TOX: variants seen among roughly 807,000 people sequenced by gnomAD.
The protein encoded by TOX is thymocyte selection associated high mobility group box, also known as thymocyte selection-associated high mobility group box protein TOX.
Under a neutral mutation model 53.7 loss-of-function variants are expected in TOX, and 11 were observed. The ratio of observed to expected loss-of-function variants is 0.20; its 90% CI spans 0.13 to 0.34. The LOEUF is 0.34. Among genes scored for constraint, TOX ranks in the 10% least tolerant of loss-of-function variants. The pLI is 1.00. For missense variants in TOX, 570 were observed against 664.6 expected (o/e 0.86, Z 1.56); for synonymous variants, 225 against 245.3 (o/e 0.92, Z 0.77).
chr8:59,038,988 G>C (rs937677459), intron 1 of TOX, among the ~76,000 whole-genome samples: 1 of 152,192 alleles, frequency 6.6e-6, no homozygotes, highest in Admixed American at 6.5e-5. Context: ...ACCAGCTTTG[G>C]CCTCAGGCAA....
At chr8:58,857,633 A>T (rs568960741) in intron 3 of TOX, among the ~76,000 whole-genome samples, 3 of 152,320 alleles carry the variant, frequency 2.0e-5, no homozygotes, top group East Asian at 3.9e-4. Flanking sequence ...TGCTAAGGCC[A>T]TGTTCCTTTC....
intron 3 of TOX, among the ~76,000 whole-genome samples, chr8:58,894,806 G>A (rs1325863558): frequency 2.0e-5 from 3 of 152,190 alleles, no homozygotes; most frequent in Non-Finnish European, 4.4e-5. Flanking sequence ...TGAGGCAGAA[G>A]AATCGCTTGA....
At chr8:58,950,806 G>T (rs1021318650) in intron 2 of TOX, among the ~76,000 whole-genome samples, 3 of 152,126 alleles carry the variant, frequency 2.0e-5, no homozygotes, top group Non-Finnish European at 4.4e-5. Flanking sequence ...AAAAGTAGTG[G>T]AGTGTGGAGG....
rs148022723 is a variant in TOX, at chr8:59,103,764, A to G, written c.102+15122T>C. On this transcript the variant is annotated intron_variant, in intron 1 of 8. Coordinates refer to ENST00000361421, the MANE Select transcript of TOX (RefSeq NM_014729.3). ...TTTGGACACTTTAATATACTCTCCA[A>G]ATTTACTAATAATATGTGTATTTAC... 1.4e-4 allele frequency among the ~76,000 whole-genome samples: 22 copies of G among 152,322 alleles called. No homozygotes were observed. The East Asian group carries it at 4.0e-3, about 28-fold the overall frequency.
chr8:59,118,216 A>G lies in TOX; in HGVS notation c.102+670T>C, dbSNP rs996304295. Among the ~76,000 whole-genome samples the G allele has an allele frequency of 5.3e-5, 8 of 152,116 alleles. No homozygotes were observed. Among genetic ancestry groups the G allele is most frequent in the African/African-American group, 1.9e-4 (8 of 41,440 alleles). ...CGACGTGCTCGCCCGGCTCCCAACA[A>G]ACTTGCAATTTCCGCGCGCACCCCT... On this transcript the variant is annotated intron_variant, in intron 1 of 8. Coordinates refer to ENST00000361421, the MANE Select transcript of TOX (RefSeq NM_014729.3). This position sits in a 1 kb window ranked among gnomAD's most constrained non-coding sequence, Gnocchi z 4.1.
chr8:59,105,125 G>A (rs310370), intron 1 of TOX, among the ~76,000 whole-genome samples: 99,489 of 151,946 alleles, frequency 0.65, 33,315 homozygotes, highest in African/African-American at 0.81. Flanking sequence ...TTTTTTTTAA[G>A]AAGTTGACTT....
At chr8:58,823,960 G>A (rs1272749081) in intron 6 of TOX, among the ~76,000 whole-genome samples, 1 of 152,234 alleles carries the variant, frequency 6.6e-6, no homozygotes, top group African/African-American at 2.4e-5. Context: ...GTAAGTCAAA[G>A]TAGCTAGGAA....
At chr8:59,113,304 A>G (rs1167823685) in intron 1 of TOX, among the ~76,000 whole-genome samples, 1 of 152,188 alleles carries the variant, frequency 6.6e-6, no homozygotes, top group Non-Finnish European at 1.5e-5. Context: ...GGGGTGTGGA[A>G]GGGACACTAT....
In TOX at chr8:58,838,699, CT is replaced by C. The variant is rs35347981; in HGVS notation, c.694-389del. 3.4e-3 allele frequency among the ~76,000 whole-genome samples: 306 copies of C among 88,872 alleles called. 4 individuals are homozygous for C. The highest frequency in any genetic ancestry group is 0.013 in the African/African-American group (224 of 16,722). The allele number at this position is 88,872 out of a possible 152,430, so 58.3% of individuals were successfully genotyped here. A position where few individuals can be genotyped will look rare whatever the true frequency, so the allele number is the denominator to read the frequency against. On this transcript the variant is annotated intron_variant, in intron 4 of 8. Coordinates refer to ENST00000361421, the MANE Select transcript of TOX (RefSeq NM_014729.3). Reference sequence around the variant, plus strand: ...TTTCTTCTAAGGAAGTTATCCTTGTCTTTTTTTTTTTTTTTTTTTTTGAGAT... The same window carrying C: ...TTTCTTCTAAGGAAGTTATCCTTGTCTTTTTTTTTTTTTTTTTTTTGAGAT...
chr8:58,903,921 G>A (rs895488796), intron 3 of TOX, among the ~76,000 whole-genome samples: 1 of 152,116 alleles, frequency 6.6e-6, no homozygotes, highest in Non-Finnish European at 1.5e-5. Flanking sequence ...GTGCTATTGT[G>A]TGCCATATAT....
At chr8:58,920,737 GA>G (rs1397497086) in intron 3 of TOX, among the ~76,000 whole-genome samples, 11 of 47,754 alleles carry the variant, frequency 2.3e-4, no homozygotes, top group South Asian at 8.7e-4. Flanking sequence ...AAAAAAAAAA[GA>G]AAAAAAAGAA....
At chr8:59,005,016 T>A (rs886557367) in intron 1 of TOX, among the ~76,000 whole-genome samples, 3 of 149,294 alleles carry the variant, frequency 2.0e-5, no homozygotes, top group African/African-American at 7.4e-5. Context: ...ATTTATTTTA[T>A]GTAATTTAAA....
intron 3 of TOX, among the ~76,000 whole-genome samples, chr8:58,920,832 T>C (rs866765872): frequency 1.9e-4 from 29 of 149,284 alleles, no homozygotes; most frequent in Admixed American, 6.0e-4. Context: ...GCACCTATCA[T>C]AGTTCTGGGA....
At chr8:58,837,251 T>G (rs1022355863) in intron 5 of TOX, among the ~76,000 whole-genome samples, 1 of 152,218 alleles carries the variant, frequency 6.6e-6, no homozygotes, top group Admixed American at 6.5e-5. Context: ...TGGCTAAAAC[T>G]GCACCTACAC....
At chr8:59,015,458 G>A (rs1216948627) in intron 1 of TOX, among the ~76,000 whole-genome samples, 1 of 152,158 alleles carries the variant, frequency 6.6e-6, no homozygotes, top group African/African-American at 2.4e-5. Context: ...TCATTCTTTT[G>A]TTATGCCCTT....
intron 1 of TOX, among the ~76,000 whole-genome samples, chr8:59,048,165 G>C (rs554611293): frequency 9.9e-5 from 15 of 152,136 alleles, no homozygotes; most frequent in African/African-American, 3.1e-4. Flanking sequence ...GCTACTCAGC[G>C]CCTCAGAATA....
intron 2 of TOX, among the ~76,000 whole-genome samples, chr8:58,943,313 A>T (rs1812472655): frequency 6.6e-6 from 1 of 152,166 alleles, no homozygotes; most frequent in Non-Finnish European, 1.5e-5. Flanking sequence ...ATGCCTGGCC[A>T]GAAGAGAAGC....
chr8:58,886,373 T>A (rs905940064), intron 3 of TOX, among the ~76,000 whole-genome samples: 5 of 152,132 alleles, frequency 3.3e-5, no homozygotes, highest in African/African-American at 4.8e-5. Context: ...TCCCAAATTT[T>A]CTGAAAGTGT....
intron 1 of TOX, among the ~76,000 whole-genome samples, chr8:59,077,460 G>A (rs2129422960): frequency 6.6e-6 from 1 of 152,234 alleles, no homozygotes; most frequent in South Asian, 2.1e-4. Context: ...TCTAAAATGG[G>A]TGAGGCATGA....
Sources: allele counts gnomAD v4.1 joint callset (sites outside exome capture counted in the v4.1 genomes callset), GRCh38; gene constraint gnomAD v4.1.1; non-coding constraint Gnocchi (gnomAD v3.1); transcripts MANE v1.5; gene names NCBI Gene and HGNC (gene_info 2026-07-23, HGNC 2026-07-21).